ITPKC: variants seen among roughly 807,000 people sequenced by gnomAD.
ITPKC encodes the protein IP3 3-kinase C.
ITPKC carries 33 observed loss-of-function variants against 67.1 expected under a neutral mutation model. The ratio of observed to expected loss-of-function variants is 0.49; its 90% CI spans 0.37 to 0.66. ITPKC has a LOEUF of 0.66. ITPKC is among the 30% of genes least tolerant of loss of function. ITPKC has a pLI of 0.00. For missense variants in ITPKC, 820 were observed against 892.1 expected (o/e 0.92, Z 1.03); for synonymous variants, 341 against 359.8 (o/e 0.95, Z 0.59).
intron 4 of ITPKC, among the ~76,000 whole-genome samples, chr19:40,734,241 T>C (rs950344136): frequency 6.6e-6 from 1 of 152,244 alleles, no homozygotes; most frequent in Non-Finnish European, 1.5e-5. Context: ...TAACACTGTT[T>C]TTGTGACTGT....
intron 1 of ITPKC, among the ~76,000 whole-genome samples, chr19:40,721,362 C>CT (rs60392285): frequency 0.034 from 4,820 of 142,666 alleles, 117 homozygotes; most frequent in African/African-American, 0.076. Flanking sequence ...TTGGATCTAA[C>CT]TTTTTTTTTT....
At chr19:40,735,336 C>G (rs2082289815) in intron 4 of ITPKC, among the ~76,000 whole-genome samples, 1 of 151,614 alleles carries the variant, frequency 6.6e-6, no homozygotes, top group African/African-American at 2.4e-5. Flanking sequence ...CAGGAATGCT[C>G]TTCTATTTTT....
intron 4 of ITPKC, among the ~76,000 whole-genome samples, chr19:40,734,775 ATTG>A (rs201151687): frequency 1.0e-5 from 1 of 96,052 alleles, no homozygotes; most frequent in Non-Finnish European, 2.2e-5. Context: ...TGCCTGGCTA[ATTG>A]TTGTTTTTTT....
chr19:40,722,426 G>A (rs964394583), intron 1 of ITPKC, among the ~76,000 whole-genome samples: 7 of 152,252 alleles, frequency 4.6e-5, no homozygotes, highest in South Asian at 4.1e-4. Flanking sequence ...CCCCAGGGCC[G>A]GCAGCTGGAT....
chr19:40,730,081 C>A (rs1026988955), intron 3 of ITPKC, among the ~76,000 whole-genome samples: 1 of 152,116 alleles, frequency 6.6e-6, no homozygotes, highest in Non-Finnish European at 1.5e-5. Flanking sequence ...GGATTACAAG[C>A]GCCCGCCACC....
intron 4 of ITPKC, among the ~76,000 whole-genome samples, chr19:40,734,778 G>GTTT (rs1313856278): frequency 1.9e-4 from 15 of 77,664 alleles, no homozygotes; most frequent in African/African-American, 3.7e-4. Flanking sequence ...CTGGCTAATT[G>GTTT]TTGTTTTTTT....
chr19:40,739,735 A>G lies in ITPKC; in HGVS notation c.*175A>G. 1.7e-6 allele frequency: 1 copy of G among 603,514 alleles called. No individual in the cohort carries two copies. Among genetic ancestry groups the G allele is most frequent in the Non-Finnish European group, 2.9e-6 (1 of 341,422 alleles). The allele number at this position is 603,514 out of a possible 1,614,324, so 37.4% of individuals were successfully genotyped here. On this transcript the variant is annotated 3_prime_UTR_variant, in exon 7 of 7. Transcript: ENST00000263370. The stretch of plus-strand genomic sequence containing the variant: ...AAAGTCTGAAGGGCCTTGGGAGACC[A>G]GGTAGCACCTGGCCCCATCATGATG...
chr19:40,728,793 C>T (rs1309873860), intron 2 of ITPKC, among the ~76,000 whole-genome samples: 1 of 152,056 alleles, frequency 6.6e-6, no homozygotes, highest in African/African-American at 2.4e-5. Context: ...TTTGGGAGGC[C>T]AAGGCGGGTG....
At position 40,718,043 on chromosome 19, in the gene ITPKC, T is replaced by C. The variant is rs1177327341; in HGVS notation, c.908T>C (p.Leu303Ser). ...TTGGGAGAGCCTGAGGATGGCCCAT[T>C]AGAGGAACCAGAGCCTGGAGAATTG... The part of the protein sequence containing the change: ...CLLGEPEDGP[L>S]EEPEPGELLT... The change falls in exon 1 of 7, where the codon TTA becomes TCA. Residue 303 changes from leucine (L) to serine (S), a missense_variant. Around this residue, in one of 2 missense-constraint regions of ITPKC, gnomAD observed 481 missense variants for 470.1 expected, o/e 1.02. Coordinates refer to ENST00000263370, the MANE Select transcript of ITPKC (RefSeq NM_025194.3). 2.5e-6 allele frequency: 4 copies of C among 1,614,054 alleles called. No homozygotes were observed. Among genetic ancestry groups the C allele is most frequent in the Non-Finnish European group, 3.4e-6 (4 of 1,179,988 alleles).
intron 2 of ITPKC, among the ~76,000 whole-genome samples, chr19:40,728,144 A>G (rs1336292207): frequency 6.6e-6 from 1 of 152,084 alleles, no homozygotes; most frequent in African/African-American, 2.4e-5. Flanking sequence ...CTGAGATGGG[A>G]GGATCATTTG....
At chr19:40,733,464 G>C (rs2082281223) in intron 4 of ITPKC, 100 bp downstream of exon 4, 1 of 1,141,644 alleles carries the variant, frequency 8.8e-7, no homozygotes, top group Admixed American at 2.5e-5. Flanking sequence ...AGGAGACGGC[G>C]TGGGATGAAA....
Position 40,739,799 on chromosome 19 carries a change from G to T in ITPKC, c.*239G>T. On this transcript the variant is annotated 3_prime_UTR_variant, in exon 7 of 7. Coordinates refer to ENST00000263370, the MANE Select transcript of ITPKC (RefSeq NM_025194.3). The stretch of plus-strand genomic sequence containing the variant: ...GACCTGGAAGGAAGGTGATGAGGCA[G>T]TGAGTCAGAAAAACCAGAACGGGGT... The T allele has an allele frequency of 1.8e-6, 1 of 560,222 alleles. No individual in the cohort carries two copies. The highest frequency in any genetic ancestry group is 2.2e-5 in the South Asian group (1 of 46,168). 34.7% of individuals were successfully genotyped at this position (560,222 alleles called of 1,614,324 possible). A position where few individuals can be genotyped will look rare whatever the true frequency, so the allele number is the denominator to read the frequency against.
chr19:40,732,285 A>G (rs979360459), intron 3 of ITPKC, among the ~76,000 whole-genome samples: 3 of 151,204 alleles, frequency 2.0e-5, no homozygotes, highest in Non-Finnish European at 2.9e-5. Flanking sequence ...TCACACTTGT[A>G]AATGGGAGGC....
intron 5 of ITPKC, among the ~76,000 whole-genome samples, chr19:40,737,419 C>T (rs1042838328): frequency 1.3e-5 from 2 of 152,236 alleles, no homozygotes; most frequent in Non-Finnish European, 2.9e-5. Context: ...TCATTTCTGC[C>T]GTTCGGCAAG....
At position 40,725,437 on chromosome 19, in the gene ITPKC, C is replaced by G. The variant is rs754417261; in HGVS notation, c.1253C>G (p.Ala418Gly). Reference protein sequence around the residue: ...HYPWVQLSGHAGNFQAGEDGR... With the variant: ...HYPWVQLSGHGGNFQAGEDGR... Reference sequence around the variant, plus strand: ...CCTTGGGTCCAGCTTTCTGGACATGCTGGTAAGTGGGGTGGTGGTGGACAG... The same window carrying G: ...CCTTGGGTCCAGCTTTCTGGACATGGTGGTAAGTGGGGTGGTGGTGGACAG... Residue 418 changes from alanine to glycine, a missense_variant and splice_region_variant, in exon 2 of 7, where the codon GCT (alanine) becomes GGT (glycine). By Grantham distance (60) the Ala-to-Gly change is moderately conservative. Transcript: ENST00000263370. The G allele has an allele frequency of 6.3e-7, 1 of 1,596,762 alleles. No individual in the cohort carries two copies. The highest frequency in any genetic ancestry group is 8.6e-7 in the Non-Finnish European group (1 of 1,164,078).
chr19:40,717,202 C>T lies in ITPKC; in HGVS notation c.67C>T (p.Arg23Cys). ...AEAGALPAAA[R>C]MGLEAPRGGR... ...GGCCGGGGCGCTGCCCGCGGCGGCC[C>T]GCATGGGACTGGAGGCGCCGCGAGG... is the stretch of plus-strand genomic sequence containing the variant. Residue 23 changes from arginine (R) to cysteine (C), a missense_variant, in exon 1 of 7, where the codon CGC (arginine) becomes TGC (cysteine). By Grantham distance (180) the Arg-to-Cys change is radical (BLOSUM62 -3). Around this residue, in one of 2 missense-constraint regions of ITPKC, gnomAD observed 481 missense variants for 470.1 expected, o/e 1.02. Coordinates refer to ENST00000263370, the MANE Select transcript of ITPKC (RefSeq NM_025194.3). 1.6e-6 allele frequency: 2 copies of T among 1,224,436 alleles called. No individual in the cohort carries two copies. Among genetic ancestry groups the T allele is most frequent in the Non-Finnish European group, 2.0e-6 (2 of 983,602 alleles). The allele number at this position is 1,224,436 out of a possible 1,614,324, so 75.8% of individuals were successfully genotyped here.
intron 6 of ITPKC, among the ~76,000 whole-genome samples, chr19:40,738,496 G>T (rs1599657829): frequency 1.3e-5 from 2 of 152,146 alleles, no homozygotes; most frequent in South Asian, 4.2e-4. Context: ...AGGTTGCAGT[G>T]AGCTGAGATT....
chr19:40,737,423 C>T (rs542991955), intron 5 of ITPKC, among the ~76,000 whole-genome samples: 80 of 152,368 alleles, frequency 5.3e-4, no homozygotes, highest in South Asian at 3.1e-3. Context: ...TTCTGCCGTT[C>T]GGCAAGTCAT....
chr19:40,733,335 ACC>A lies in ITPKC; in HGVS notation c.1647_1648del (p.Leu550GlyfsTer15). 1 of 1,612,470 alleles carries A rather than the reference ACC, an allele frequency of 6.2e-7. No homozygotes were observed. Among genetic ancestry groups the A allele is most frequent in the Non-Finnish European group, 8.5e-7 (1 of 1,179,330 alleles). On this transcript the variant is annotated frameshift_variant, in exon 4 of 7. Transcript: ENST00000263370. LOFTEE classifies it high-confidence loss of function. ...GAGGGAAACCATGAGCTCCACCTCTACCCTGGGCTTCCGGATCGAGGGCATCA... is the reference window on the plus strand; with the variant it reads ...GAGGGAAACCATGAGCTCCACCTCTACTGGGCTTCCGGATCGAGGGCATCA... Reference protein sequence around the residue: ...QWRETMSSTSTLGFRIEGIKK... With the variant: ...QWRETMSSTSXLGFRIEGIKK...
Sources: allele counts gnomAD v4.1 joint callset (sites outside exome capture counted in the v4.1 genomes callset), GRCh38; gene constraint gnomAD v4.1.1; regional missense constraint gnomAD v4.1.1; transcripts MANE v1.5; gene names NCBI Gene and HGNC (gene_info 2026-07-23, HGNC 2026-07-21).